The following PHLPP2 variants were observed in gnomAD, a reference collection of about 807,000 sequenced individuals.
PHLPP2 encodes PH domain leucine-rich repeat-containing protein phosphatase 2.
Under a neutral mutation model 124.9 loss-of-function variants are expected in PHLPP2, and 66 were observed. That is an observed-to-expected ratio of 0.53 (90% CI 0.43 to 0.65). The LOEUF (loss-of-function observed/expected upper bound fraction) is 0.65, where lower values mean the gene tolerates loss of function less well. Among genes scored for constraint, PHLPP2 ranks in the 30% least tolerant of loss-of-function variants. The pLI, the probability that PHLPP2 is intolerant of heterozygous loss-of-function variation, is 0.00. For synonymous variants in PHLPP2, 681 were observed against 624.7 expected, an observed-to-expected ratio of 1.09 and a Z score of -1.34; for missense variants, 1,685 against 1,600.4, an observed-to-expected ratio of 1.05 and a Z score of -0.90.
chr16:71,686,701 T>C (rs1430786308), intron 4 of PHLPP2, among the ~76,000 whole-genome samples: 2 of 152,194 alleles, frequency 1.3e-5, no homozygotes, highest in African/African-American at 2.4e-5. Context: ...TAGACTTTTG[T>C]ATCTGGCTTC....
chr16:71,663,069 C>T (rs1236224967), intron 13 of PHLPP2, among the ~76,000 whole-genome samples: 1 of 152,110 alleles, frequency 6.6e-6, no homozygotes, highest in African/African-American at 2.4e-5. Flanking sequence ...GCAATGTATG[C>T]ATATCGTCTT....
chr16:71,681,466 C>T (rs1210426911), intron 6 of PHLPP2, among the ~76,000 whole-genome samples: 1 of 152,138 alleles, frequency 6.6e-6, no homozygotes, highest in Admixed American at 6.6e-5. Context: ...TTCCCGTATA[C>T]TAAATCTCCT....
intron 18 of PHLPP2, among the ~76,000 whole-genome samples, chr16:71,650,801 C>T (rs2044690622): frequency 6.6e-6 from 1 of 152,120 alleles, no homozygotes; most frequent in Non-Finnish European, 1.5e-5. Context: ...AGCTTATTCG[C>T]CAGAATTTGT....
chr16:71,715,059 A>G (rs976031614), intron 1 of PHLPP2: 34 of 478,800 alleles, frequency 7.1e-5, no homozygotes, highest in Non-Finnish European at 1.1e-4. Flanking sequence ...ACGTGTCAAG[A>G]ATAACGAAAC....
chr16:71,713,480 A>G (rs1479543217), intron 2 of PHLPP2, among the ~76,000 whole-genome samples: 1 of 152,178 alleles, frequency 6.6e-6, no homozygotes, highest in Non-Finnish European at 1.5e-5. Context: ...GGAGTTTATC[A>G]TACAGACTCT....
chr16:71,652,671 T>C, intron 18 of PHLPP2, 119 bp downstream of exon 18: 1 of 696,634 alleles, frequency 1.4e-6, no homozygotes, highest in Non-Finnish European at 2.5e-6. Context: ...TGAACTTTTA[T>C]CTGGATTGGA....
At chr16:71,683,840 G>A (rs1201542531) in intron 5 of PHLPP2, among the ~76,000 whole-genome samples, 1 of 152,040 alleles carries the variant, frequency 6.6e-6, no homozygotes, top group Non-Finnish European at 1.5e-5. Flanking sequence ...GCCCGGGCTG[G>A]AGTGCAATGG....
chr16:71,664,487 G>A (rs967747562), intron 12 of PHLPP2, among the ~76,000 whole-genome samples: 2 of 152,166 alleles, frequency 1.3e-5, no homozygotes, highest in Non-Finnish European at 2.9e-5. Flanking sequence ...AGTGGCTCAC[G>A]CCTATAATCC....
chr16:71,706,278 A>G (rs2045273589), intron 2 of PHLPP2, among the ~76,000 whole-genome samples: 1 of 152,262 alleles, frequency 6.6e-6, no homozygotes, highest in Non-Finnish European at 1.5e-5. Flanking sequence ...GCCAACGGAC[A>G]TAGCAATGCT....
chr16:71,705,360 G>A (rs73580215), intron 2 of PHLPP2, among the ~76,000 whole-genome samples: 1 of 152,140 alleles, frequency 6.6e-6, no homozygotes, highest in East Asian at 1.9e-4. Flanking sequence ...GCTAAATCTC[G>A]AGTGCTCAAT....
intron 8 of PHLPP2, chr16:71,678,027 T>A (rs1031966259): frequency 4.0e-4 from 61 of 152,194 alleles, no homozygotes; most frequent in African/African-American, 1.4e-3. Context: ...AAAATGGGAA[T>A]TCTCATAAAA....
chr16:71,659,360 T>C (rs564090445), intron 13 of PHLPP2, among the ~76,000 whole-genome samples: 9 of 151,086 alleles, frequency 6.0e-5, no homozygotes, highest in Non-Finnish European at 1.0e-4. Context: ...CAAGCAATTC[T>C]CCTGCCTCAG....
At chr16:71,714,261 T>C (rs2045342822) in intron 2 of PHLPP2, among the ~76,000 whole-genome samples, 1 of 152,156 alleles carries the variant, frequency 6.6e-6, no homozygotes, top group South Asian at 2.1e-4. Context: ...ACTTTTAAAA[T>C]ACTTATTTTT....
intron 1 of PHLPP2, chr16:71,723,152 C>G (rs2045408935): frequency 6.6e-6 from 1 of 152,300 alleles, no homozygotes; most frequent in Non-Finnish European, 1.5e-5. Context: ...CCAGCAAGTC[C>G]CCGCGACGCA....
chr16:71,719,500 A>G (rs1466698181), intron 1 of PHLPP2, among the ~76,000 whole-genome samples: 1 of 152,216 alleles, frequency 6.6e-6, no homozygotes, highest in Non-Finnish European at 1.5e-5. Context: ...AGATCACGCC[A>G]CTGTACTCCA....
At chr16:71,687,461 T>A (rs1180879886) in intron 4 of PHLPP2, among the ~76,000 whole-genome samples, 1 of 152,236 alleles carries the variant, frequency 6.6e-6, no homozygotes, top group Non-Finnish European at 1.5e-5. Context: ...ATGTCTCTTA[T>A]GAACAGCAAA....
chr16:71,676,738 A>T, intron 8 of PHLPP2, 89 bp from the exon 9 acceptor site: 1 of 951,184 alleles, frequency 1.1e-6, no homozygotes. Context: ...GACAGGTATG[A>T]TCCCTTTCTC....
chr16:71,664,836 T>C (rs1468609354), intron 12 of PHLPP2, among the ~76,000 whole-genome samples: 1 of 152,192 alleles, frequency 6.6e-6, no homozygotes, highest in Non-Finnish European at 1.5e-5. Flanking sequence ...ATAAAGAACA[T>C]ATAGGCTGTT....
At chr16:71,657,641 AC>A (rs1325059069) in intron 15 of PHLPP2, among the ~76,000 whole-genome samples, 1 of 150,080 alleles carries the variant, frequency 6.7e-6, no homozygotes, top group Non-Finnish European at 1.5e-5. Context: ...TGATCCACCC[AC>A]CTTGGCCTCC....
Sources: gnomAD v4.1 joint callset for allele counts (sites outside exome capture counted in the v4.1 genomes callset) on GRCh38, gnomAD v4.1.1 for gene constraint, MANE v1.5 for transcripts, NCBI Gene and HGNC (gene_info 2026-07-23, HGNC 2026-07-21) for gene names.